TANC2: variants seen among roughly 807,000 people sequenced by gnomAD.
TANC2 encodes the protein protein TANC2.
TANC2 carries 26 observed loss-of-function variants against 210.5 expected under a neutral mutation model. That is an observed-to-expected ratio of 0.12 (90% CI 0.09 to 0.17). The LOEUF is 0.17. TANC2 is among the 10% of genes least tolerant of loss of function. The probability of loss-of-function intolerance (pLI) is 1.00; values close to 1 mark genes in which losing one functional copy is unlikely to be tolerated. For synonymous variants in TANC2, 931 were observed against 967.1 expected (o/e 0.96, Z 0.69); for missense variants, 2,129 against 2,608.9 (o/e 0.82, Z 4.01).
chr17:63,284,977 G>C (rs1430260129), intron 9 of TANC2, among the ~76,000 whole-genome samples: 1 of 151,872 alleles, frequency 6.6e-6, no homozygotes, highest in Non-Finnish European at 1.5e-5. Context: ...ATTAGGGAAT[G>C]ACCTTTTTTT....
chr17:63,298,621 A>G (rs1427686880), intron 9 of TANC2, among the ~76,000 whole-genome samples: 1 of 152,184 alleles, frequency 6.6e-6, no homozygotes, highest in Non-Finnish European at 1.5e-5. Flanking sequence ...GTTGTGCAAT[A>G]TTGTGAATGT....
At chr17:63,199,262 G>C (rs1341610868) in intron 6 of TANC2, among the ~76,000 whole-genome samples, 1 of 152,118 alleles carries the variant, frequency 6.6e-6, no homozygotes, top group Non-Finnish European at 1.5e-5. Context: ...AACATTTAAA[G>C]ATGTTAAATT....
At chr17:63,064,477 A>G (rs1366773568) in intron 2 of TANC2, among the ~76,000 whole-genome samples, 1 of 152,148 alleles carries the variant, frequency 6.6e-6, no homozygotes, top group South Asian at 2.1e-4. Flanking sequence ...ACAAACATAC[A>G]AAAACAAACA....
At chr17:63,415,244 G>A (rs2048821520) in intron 25 of TANC2, among the ~76,000 whole-genome samples, 3 of 152,254 alleles carry the variant, frequency 2.0e-5, no homozygotes, top group Non-Finnish European at 4.4e-5. Context: ...TTGGAATCCA[G>A]TTGGGAAGTC....
intron 2 of TANC2, among the ~76,000 whole-genome samples, chr17:63,071,261 A>G (rs555363280): frequency 6.6e-6 from 1 of 152,266 alleles, no homozygotes; most frequent in East Asian, 1.9e-4. Context: ...ACAGAATGTC[A>G]GGTGCCAAAT....
intron 4 of TANC2, among the ~76,000 whole-genome samples, chr17:63,130,339 C>G (rs1360695949): frequency 1.3e-5 from 2 of 151,956 alleles, no homozygotes; most frequent in Non-Finnish European, 2.9e-5. Context: ...TGGTGAAACC[C>G]CAGCTCTACT....
chr17:63,259,768 ATT>A (rs1447335255), intron 8 of TANC2, among the ~76,000 whole-genome samples: 1 of 152,190 alleles, frequency 6.6e-6, no homozygotes. Flanking sequence ...AGCTGTTAAG[ATT>A]TTATTTGAAT....
At chr17:63,060,677 C>G (rs918708628) in intron 2 of TANC2, among the ~76,000 whole-genome samples, 82 of 152,046 alleles carry the variant, frequency 5.4e-4, no homozygotes, top group African/African-American at 1.6e-3. Flanking sequence ...CATATTTAAT[C>G]TCACCACTAG....
intron 7 of TANC2, among the ~76,000 whole-genome samples, chr17:63,236,857 G>T (rs2042635240): frequency 6.6e-6 from 1 of 152,122 alleles, no homozygotes; most frequent in African/African-American, 2.4e-5. Context: ...ATATTCCATT[G>T]TGTGTATATA....
chr17:63,370,509 C>T (rs1388281934), intron 14 of TANC2, among the ~76,000 whole-genome samples: 1 of 152,170 alleles, frequency 6.6e-6, no homozygotes, highest in Non-Finnish European at 1.5e-5. Context: ...CTTTCTTCAT[C>T]CTTCTATCCA....
At chr17:63,357,135 A>C (rs1396271124) in intron 14 of TANC2, among the ~76,000 whole-genome samples, 1 of 152,246 alleles carries the variant, frequency 6.6e-6, no homozygotes, top group Non-Finnish European at 1.5e-5. Flanking sequence ...GCAACTATGT[A>C]TATAGGAAAA....
At chr17:63,383,846 T>C (rs911337169) in intron 15 of TANC2, among the ~76,000 whole-genome samples, 1 of 152,294 alleles carries the variant, frequency 6.6e-6, no homozygotes, top group African/African-American at 2.4e-5. Context: ...ATCAGTAGTA[T>C]TTTTGAAAAG....
intron 4 of TANC2, among the ~76,000 whole-genome samples, 175 bp downstream of exon 4, chr17:63,099,532 G>A (rs986129586): frequency 1.3e-5 from 2 of 151,642 alleles, no homozygotes; most frequent in Non-Finnish European, 1.5e-5. Context: ...TAGAGAATTA[G>A]AACAGTACTC....
intron 17 of TANC2, chr17:63,390,048 C>G (rs1019514553): frequency 2.3e-5 from 4 of 170,882 alleles, no homozygotes; most frequent in Admixed American, 2.2e-4. Flanking sequence ...CCTATTTATA[C>G]TCAGACTGAC....
At chr17:63,072,906 T>C (rs2036448474) in intron 2 of TANC2, among the ~76,000 whole-genome samples, 1 of 152,042 alleles carries the variant, frequency 6.6e-6, no homozygotes, top group South Asian at 2.1e-4. Flanking sequence ...AAACAGGCCA[T>C]TCTGTTTAAA....
chr17:63,337,828 T>G (rs904148777), intron 11 of TANC2, among the ~76,000 whole-genome samples: 2 of 152,184 alleles, frequency 1.3e-5, no homozygotes, highest in Non-Finnish European at 2.9e-5. Context: ...GCCTATGTGT[T>G]CTCATCTTTT....
At chr17:63,342,120 C>G (rs902177399) in intron 12 of TANC2, among the ~76,000 whole-genome samples, 2 of 152,110 alleles carry the variant, frequency 1.3e-5, no homozygotes, top group Admixed American at 6.5e-5. Flanking sequence ...ACCTGCCCCC[C>G]TCCAGTCAGA....
intron 14 of TANC2, among the ~76,000 whole-genome samples, chr17:63,360,500 G>T (rs2046924095): frequency 6.6e-6 from 1 of 151,812 alleles, no homozygotes; most frequent in African/African-American, 2.4e-5. Context: ...TAATTTTTGT[G>T]GGTACATGGT....
chr17:63,366,840 C>A (rs529999474), intron 14 of TANC2, among the ~76,000 whole-genome samples: 1 of 152,034 alleles, frequency 6.6e-6, no homozygotes, highest in African/African-American at 2.4e-5. Flanking sequence ...AAAAATATGC[C>A]GAAGCAGTTA....
Sources: gnomAD v4.1 joint callset for allele counts (sites outside exome capture counted in the v4.1 genomes callset) on GRCh38, gnomAD v4.1.1 for gene constraint, MANE v1.5 for transcripts, NCBI Gene and HGNC (gene_info 2026-07-23, HGNC 2026-07-21) for gene names.